RBFOX3: variants seen among roughly 807,000 people sequenced by gnomAD.
The protein encoded by RBFOX3 is RNA binding fox-1 homolog 3.
A neutral mutation model predicts 48.7 loss-of-function variants in RBFOX3; 17 were observed. The ratio of observed to expected loss-of-function variants is 0.35; its 90% confidence interval spans 0.24 to 0.52. RBFOX3 has a LOEUF of 0.52. Among genes scored for constraint, RBFOX3 ranks in the 20% least tolerant of loss-of-function variants. The pLI is 0.94. For synonymous variants in RBFOX3, 212 were observed against 209.5 expected (o/e 1.01, Z -0.10); for missense variants, 382 against 497.5 (o/e 0.77, Z 2.21).
chr17:79,180,545 G>C (rs2051668347), intron 4 of RBFOX3, among the ~76,000 whole-genome samples: 2 of 152,218 alleles, frequency 1.3e-5, no homozygotes, highest in African/African-American at 4.8e-5. Flanking sequence ...CATTTCTAGA[G>C]GCCTGGCCGG....
intron 4 of RBFOX3, among the ~76,000 whole-genome samples, chr17:79,208,012 TG>T (rs2057760298): frequency 1.3e-5 from 2 of 152,048 alleles, no homozygotes; most frequent in African/African-American, 4.8e-5. Context: ...GGGTGAAAGG[TG>T]GCCCTTCTCT....
intron 2 of RBFOX3, among the ~76,000 whole-genome samples, chr17:79,349,964 GGA>G (rs2083590754): frequency 6.6e-6 from 1 of 152,130 alleles, no homozygotes; most frequent in Non-Finnish European, 1.5e-5. Flanking sequence ...TGCTCCAGGA[GGA>G]GAGGCTCCAG....
chr17:79,435,016 G>A (rs1451311835), intron 2 of RBFOX3, among the ~76,000 whole-genome samples: 5 of 152,280 alleles, frequency 3.3e-5, no homozygotes, highest in African/African-American at 9.6e-5. Flanking sequence ...GTAACATCAC[G>A]AAAAATACAA....
chr17:79,557,927 G>A (rs1368776134), intron 1 of RBFOX3, among the ~76,000 whole-genome samples: 1 of 152,244 alleles, frequency 6.6e-6, no homozygotes, highest in African/African-American at 2.4e-5. Context: ...GGACGGCCGG[G>A]AGACAGAGGA....
chr17:79,530,487 G>A (rs1018741279), intron 1 of RBFOX3, among the ~76,000 whole-genome samples: 3 of 152,066 alleles, frequency 2.0e-5, no homozygotes, highest in Non-Finnish European at 2.9e-5. Context: ...CAGCTCACCC[G>A]GGGCCAACTG....
chr17:79,090,693 C>T lies in RBFOX3; in HGVS notation c.*190G>A, dbSNP rs548953595. 3.6e-4 allele frequency: 251 copies of T among 703,000 alleles called. 1 individual carries two copies. Among genetic ancestry groups the T allele is most frequent in the Non-Finnish European group, 5.2e-4 (225 of 431,566 alleles). 43.5% of individuals were successfully genotyped at this position (703,000 alleles called of 1,614,324 possible). On this transcript the variant is annotated 3_prime_UTR_variant, in exon 15 of 15. Transcript: ENST00000693108. ...TGGGGCCGCTCCTCGGCGCCCCTGC[C>T]GGCGTGCTCCCTCGGTGCGGGCGTG...
the RBFOX3 span, among the ~76,000 whole-genome samples, chr17:79,632,382 G>A: frequency 6.6e-4 from 101 of 152,098 alleles, no homozygotes; most frequent in Admixed American, 1.3e-3. Flanking sequence ...GTCCTCTTCG[G>A]GATCCTGGAT....
chr17:79,625,849 G>A, the RBFOX3 span, among the ~76,000 whole-genome samples: 11 of 152,306 alleles, frequency 7.2e-5, no homozygotes, highest in East Asian at 5.8e-4. Context: ...ACTCTCACTC[G>A]CCCACACACG....
chr17:79,250,456 T>C (rs77074522), intron 3 of RBFOX3, among the ~76,000 whole-genome samples: 2 of 152,024 alleles, frequency 1.3e-5, no homozygotes, highest in Non-Finnish European at 2.9e-5. Context: ...TAAAGAATAA[T>C]AAAAATAATT....
chr17:79,301,741 C>T (rs574409118), intron 3 of RBFOX3, among the ~76,000 whole-genome samples: 1 of 152,172 alleles, frequency 6.6e-6, no homozygotes, highest in Non-Finnish European at 1.5e-5. Flanking sequence ...GAATGCGGTT[C>T]CCCCACCCAT....
intron 1 of RBFOX3, among the ~76,000 whole-genome samples, chr17:79,522,567 GAC>G (rs1491122311): frequency 1.0e-3 from 155 of 151,992 alleles, no homozygotes; most frequent in African/African-American, 3.5e-3. Context: ...CCTCTCACCC[GAC>G]ACACACACCA....
chr17:79,384,960 G>A (rs2060382125), intron 2 of RBFOX3, among the ~76,000 whole-genome samples: 2 of 152,272 alleles, frequency 1.3e-5, no homozygotes, highest in Non-Finnish European at 2.9e-5. Flanking sequence ...CATTATCTGG[G>A]GAGAGGCCCA....
chr17:79,360,946 G>A (rs1011690387), intron 2 of RBFOX3, among the ~76,000 whole-genome samples: 6 of 151,716 alleles, frequency 4.0e-5, no homozygotes, highest in Admixed American at 2.6e-4. Context: ...TGTGTTTTGT[G>A]TATTGTGAGT....
chr17:79,387,727 G>C (rs527939340), intron 2 of RBFOX3, among the ~76,000 whole-genome samples: 38 of 152,328 alleles, frequency 2.5e-4, no homozygotes, highest in African/African-American at 8.9e-4. Context: ...GCAGGAGGAA[G>C]ATTCTTCTTG....
intron 2 of RBFOX3, among the ~76,000 whole-genome samples, chr17:79,340,224 G>C (rs1412755070): frequency 6.6e-6 from 1 of 150,946 alleles, no homozygotes; most frequent in Non-Finnish European, 1.5e-5. Context: ...GCTTGAACCC[G>C]GGAGGTGGAG....
chr17:79,565,041 A>C (rs2092403075), intron 1 of RBFOX3, among the ~76,000 whole-genome samples: 1 of 146,674 alleles, frequency 6.8e-6, no homozygotes, highest in African/African-American at 2.6e-5. Context: ...CTCTGTCTCA[A>C]AAAAAAAAAA....
intron 3 of RBFOX3, among the ~76,000 whole-genome samples, chr17:79,280,767 C>G (rs987378168): frequency 6.9e-6 from 1 of 145,542 alleles, no homozygotes; most frequent in Non-Finnish European, 1.5e-5. Flanking sequence ...AGATTTGCCT[C>G]TGCTTTGCCA....
chr17:79,539,987 C>T (rs1318070831), intron 1 of RBFOX3, among the ~76,000 whole-genome samples: 1 of 152,120 alleles, frequency 6.6e-6, no homozygotes, highest in African/African-American at 2.4e-5. Context: ...CATTGCATGT[C>T]CTGTGTCTTA....
chr17:79,415,824 T>C (rs2065259354), intron 2 of RBFOX3, among the ~76,000 whole-genome samples: 1 of 152,072 alleles, frequency 6.6e-6, no homozygotes, highest in Admixed American at 6.5e-5. Flanking sequence ...GCAGCCTGCA[T>C]GTGCTGGGGC....
Sources: gnomAD v4.1 joint callset for allele counts (sites outside exome capture counted in the v4.1 genomes callset) on GRCh38, gnomAD v4.1.1 for gene constraint, MANE v1.5 for transcripts, NCBI Gene and HGNC (gene_info 2026-07-23, HGNC 2026-07-21) for gene names.